The following TRIM8 variants were observed in gnomAD, a reference collection of about 807,000 sequenced individuals.
TRIM8 encodes E3 ubiquitin-protein ligase TRIM8.
A neutral mutation model predicts 55.7 loss-of-function variants in TRIM8; 9 were observed. The observed-to-expected ratio is 0.16, with a 90% CI of 0.10 to 0.28. The LOEUF (loss-of-function observed/expected upper bound fraction) is 0.28, where lower values mean the gene tolerates loss of function less well. Among genes scored for constraint, TRIM8 ranks in the 10% least tolerant of loss-of-function variants. The pLI, the probability that TRIM8 is intolerant of heterozygous loss-of-function variation, is 1.00. For synonymous variants in TRIM8, 335 were observed against 333.3 expected, an observed-to-expected ratio of 1.01 and a Z score of -0.06; for missense variants, 556 against 736.4, an observed-to-expected ratio of 0.76 and a Z score of 2.83.
intron 1 of TRIM8, chr10:102,649,420 T>C: frequency 6.6e-6 from 1 of 151,930 alleles, no homozygotes; most frequent in Non-Finnish European, 1.5e-5. Context: ...GCTGAAAGGG[T>C]CCTGCGCTGT....
chr10:102,652,050 T>A lies in TRIM8; in HGVS notation c.571-2603T>A, dbSNP rs969341463. ...TCTGACCCTTGGGCTGGCAGCAGATTCCTGTGCCTCTTGGTGCTTCTGGGG... is the reference window on the plus strand; with the variant it reads ...TCTGACCCTTGGGCTGGCAGCAGATACCTGTGCCTCTTGGTGCTTCTGGGG... On this transcript the variant is annotated intron_variant, in intron 1 of 5. Transcript: ENST00000643721. Among the ~76,000 whole-genome samples the A allele has an allele frequency of 2.6e-5, 4 of 152,190 alleles. No homozygotes were observed. The South Asian group carries it at 8.3e-4, about 31-fold the overall frequency.
At chr10:102,653,140 T>A (rs917953224) in intron 1 of TRIM8, among the ~76,000 whole-genome samples, 25 of 152,206 alleles carry the variant, frequency 1.6e-4, no homozygotes, top group African/African-American at 6.0e-4. Context: ...AATAGCCACA[T>A]ATGACTAGTG....
At position 102,656,778 on chromosome 10, in the gene TRIM8, G is replaced by C; in HGVS notation, c.1080G>C (p.Gln360His). ...TCAGCACGCCGGTGCCCTTCCTGCA[G>C]AGTGTCCCCCTGTACCCTTGCGGCG... is the stretch of plus-strand genomic sequence containing the variant. Reference protein sequence around the residue: ...GPFSTPVPFLQSVPLYPCGVS... With the variant: ...GPFSTPVPFLHSVPLYPCGVS... The change falls in exon 6 of 6, where the codon CAG becomes CAC. Residue 360 changes from glutamine to histidine, a missense_variant. Around this residue, in one of 2 missense-constraint regions of TRIM8, gnomAD observed 391 missense variants for 441.0 expected, o/e 0.89. Coordinates refer to ENST00000643721, the MANE Select transcript of TRIM8 (RefSeq NM_030912.3). The surrounding 1 kb of genome is among the most constrained non-coding windows in gnomAD (Gnocchi z 4.6). 1 of 1,513,392 alleles carries C rather than the reference G, an allele frequency of 6.6e-7. No homozygotes were observed. The highest frequency in any genetic ancestry group is 8.8e-7 in the Non-Finnish European group (1 of 1,131,598). The allele number at this position is 1,513,392 out of a possible 1,614,324, so 93.7% of individuals were successfully genotyped here.
intron 1 of TRIM8, among the ~76,000 whole-genome samples, chr10:102,648,685 C>G (rs1425893301): frequency 6.6e-6 from 1 of 152,166 alleles, no homozygotes; most frequent in Non-Finnish European, 1.5e-5. Context: ...TCTACTGGGG[C>G]TGGTGCTGAG....
chr10:102,654,499 C>A, intron 1 of TRIM8, 154 bp from the exon 2 acceptor site: 1 of 678,558 alleles, frequency 1.5e-6, no homozygotes. Context: ...GGGAATAGGC[C>A]CCTGGGATTG....
Position 102,644,757 on chromosome 10 carries a change from G to A in TRIM8, c.140G>A (p.Ser47Asn). The stretch of plus-strand genomic sequence containing the variant: ...ATCGGCGAGGCGTGGGCCAAGGACA[G>A]CGGCCTCGTACGCTGCCCAGAGTGC... ...GCIGEAWAKD[S>N]GLVRCPECNQ... is the part of the protein sequence containing the mutation. Residue 47 changes from serine to asparagine, a missense_variant, in exon 1 of 6, where the codon AGC (serine) becomes AAC (asparagine). Physicochemically the swap from Ser to Asn is conservative, Grantham distance 46. This residue lies in a region of TRIM8 where 165 missense variants were observed against 295.3 expected (regional missense o/e 0.56). Coordinates refer to ENST00000643721, the MANE Select transcript of TRIM8 (RefSeq NM_030912.3). The A allele has an allele frequency of 6.2e-7, 1 of 1,613,244 alleles. No homozygotes were observed. The highest frequency in any genetic ancestry group is 8.5e-7 in the Non-Finnish European group (1 of 1,179,854).
In TRIM8 at chr10:102,656,087, T is replaced by C. The variant is rs1393555280; in HGVS notation, c.901-19T>C. The C allele has an allele frequency of 3.1e-6, 5 of 1,614,028 alleles. No homozygotes were observed. Among genetic ancestry groups the C allele is most frequent in the Non-Finnish European group, 4.2e-6 (5 of 1,179,986 alleles). On this transcript the variant is annotated intron_variant, in intron 3 of 5. Coordinates refer to ENST00000643721, the MANE Select transcript of TRIM8 (RefSeq NM_030912.3). This position sits in a 1 kb window ranked among gnomAD's most constrained non-coding sequence, Gnocchi z 4.6. Reference sequence around the variant, plus strand: ...GGACTGCCTTTTCCACTGACTTGACTCTTTTCTCTCCCCAACAGAACACCA... The same window carrying C: ...GGACTGCCTTTTCCACTGACTTGACCCTTTTCTCTCCCCAACAGAACACCA...
At chr10:102,646,907 G>A (rs1291717396) in intron 1 of TRIM8, among the ~76,000 whole-genome samples, 2 of 152,212 alleles carry the variant, frequency 1.3e-5, no homozygotes, top group Non-Finnish European at 2.9e-5. Context: ...ATGCCTGCCC[G>A]CACCCACAGT....
chr10:102,652,004 A>G (rs1050559598), intron 1 of TRIM8, among the ~76,000 whole-genome samples: 10 of 152,146 alleles, frequency 6.6e-5, no homozygotes, highest in African/African-American at 2.4e-4. Context: ...CTGCCCACTC[A>G]TGCTGTGTGT....
In TRIM8 at chr10:102,645,129, G is replaced by A; in HGVS notation, c.512G>A (p.Ser171Asn). 6.3e-7 allele frequency: 1 copy of A among 1,586,180 alleles called. No homozygotes were observed. The highest frequency in any genetic ancestry group is 8.5e-7 in the Non-Finnish European group (1 of 1,174,068). The stretch of plus-strand genomic sequence containing the variant: ...GTGTGCCAGTACTGCTGCTACTACA[G>A]CGGCGCGCATCAGGGACACTCGGTG... ...VAVCQYCCYY[S>N]GAHQGHSVCD... Residue 171 changes from serine to asparagine, a missense_variant, in exon 1 of 6, where the codon AGC (serine) becomes AAC (asparagine). Transcript: ENST00000643721.
At position 102,656,388 on chromosome 10, in the gene TRIM8, G is replaced by A. The variant is rs778618835; in HGVS notation, c.1048+3G>A. 2.5e-6 allele frequency: 4 copies of A among 1,610,442 alleles called. No homozygotes were observed. The highest frequency in any genetic ancestry group is 3.4e-6 in the Non-Finnish European group (4 of 1,178,240). On this transcript the variant is annotated splice_donor_region_variant and intron_variant, in intron 5 of 5. Coordinates refer to ENST00000643721, the MANE Select transcript of TRIM8 (RefSeq NM_030912.3). This position sits in a 1 kb window ranked among gnomAD's most constrained non-coding sequence, Gnocchi z 4.6. ...GCAGCTGCGGAAAATGCTAGAAGGT[G>A]AGGGTGGGGTGTTCCGCCGAAGGGA...
At chr10:102,646,187 C>T (rs2063933990) in intron 1 of TRIM8, among the ~76,000 whole-genome samples, 1 of 152,172 alleles carries the variant, frequency 6.6e-6, no homozygotes, top group African/African-American at 2.4e-5. Context: ...GTGGAGGGGG[C>T]TCCTCCTAGG....
rs1192958912 is a variant in TRIM8, at chr10:102,645,090, C to A, written c.473C>A (p.Ala158Asp). The A allele has an allele frequency of 6.3e-6, 10 of 1,595,174 alleles. No individual in the cohort carries two copies. The highest frequency in any genetic ancestry group is 8.5e-6 in the Non-Finnish European group (10 of 1,178,314). ...GCCTACCGCCTCTACCACTGCGAGGCCGAGCAGGTGGCCGTGTGCCAGTAC... is the reference window on the plus strand; with the variant it reads ...GCCTACCGCCTCTACCACTGCGAGGACGAGCAGGTGGCCGTGTGCCAGTAC... ...HNAYRLYHCE[A>D]EQVAVCQYCC... The change falls in exon 1 of 6, where the codon GCC becomes GAC. Residue 158 changes from alanine to aspartate, a missense_variant. Coordinates refer to ENST00000643721, the MANE Select transcript of TRIM8 (RefSeq NM_030912.3).
intron 1 of TRIM8, among the ~76,000 whole-genome samples, chr10:102,651,201 ACTGTGTGG>A (rs2063982212): frequency 1.3e-5 from 2 of 152,182 alleles, no homozygotes; most frequent in Non-Finnish European, 2.9e-5. Context: ...CCTGCTAGGG[ACTGTGTGG>A]CCTGGGCTGG....
rs374915046 is a variant in TRIM8 at position 102,657,369 on chromosome 10, C to T, written c.*15C>T. The T allele has an allele frequency of 4.5e-6, 7 of 1,539,842 alleles. No individual in the cohort carries two copies. Among genetic ancestry groups the T allele is most frequent in the East Asian group, 4.5e-5 (2 of 43,970 alleles). ...TGACGAGCTAACGCCACGCAGGCGG[C>T]GGGGCGCTGGGGAATCTTCCTCCCC... is the stretch of plus-strand genomic sequence containing the variant. On this transcript the variant is annotated 3_prime_UTR_variant, in exon 6 of 6. Coordinates refer to ENST00000643721, the MANE Select transcript of TRIM8 (RefSeq NM_030912.3).
At position 102,645,065 on chromosome 10, in the gene TRIM8, G is replaced by T. The variant is rs780642545; in HGVS notation, c.448G>T (p.Ala150Ser). Residue 150 changes from alanine (A) to serine (S), a missense_variant, in exon 1 of 6, where the codon GCC becomes TCC. Coordinates refer to ENST00000643721, the MANE Select transcript of TRIM8 (RefSeq NM_030912.3). ...GGCCTGGAGCTGCCCGCAGCACAACGCCTACCGCCTCTACCACTGCGAGGC... is the reference window on the plus strand; with the variant it reads ...GGCCTGGAGCTGCCCGCAGCACAACTCCTACCGCCTCTACCACTGCGAGGC... ...VRAWSCPQHNAYRLYHCEAEQ... is the reference protein window; with the variant it reads ...VRAWSCPQHNSYRLYHCEAEQ... The T allele has an allele frequency of 1.3e-6, 2 of 1,592,142 alleles. No individual in the cohort carries two copies. The highest frequency in any genetic ancestry group is 4.5e-5 in the East Asian group (2 of 44,584).
At chr10:102,646,199 C>T (rs1405822256) in intron 1 of TRIM8, among the ~76,000 whole-genome samples, 1 of 152,172 alleles carries the variant, frequency 6.6e-6, no homozygotes, top group Non-Finnish European at 1.5e-5. Context: ...CCTCCTAGGT[C>T]CCTCCCCAGT....
Position 102,656,446 on chromosome 10 carries a change from C to T in TRIM8, c.1048+61C>T. ...ACCTTTGGGGAGGGGTTCAGCGCCA[C>T]AGCCTTCCCTCCAAGAGGCAGTGTG... On this transcript the variant is annotated intron_variant, in intron 5 of 5. Transcript: ENST00000643721. This position sits in a 1 kb window ranked among gnomAD's most constrained non-coding sequence, Gnocchi z 4.6. The T allele has an allele frequency of 6.4e-7, 1 of 1,557,328 alleles. No homozygotes were observed. Among genetic ancestry groups the T allele is most frequent in the Non-Finnish European group, 8.7e-7 (1 of 1,149,424 alleles).
intron 1 of TRIM8, among the ~76,000 whole-genome samples, chr10:102,649,033 G>GGT (rs58956109): frequency 0.3 from 45,804 of 150,956 alleles, 7,324 homozygotes; most frequent in African/African-American, 0.43. Context: ...TCTGTCTGCA[G>GGT]GTGTGTGTGT....
Sources: gnomAD v4.1 joint callset for allele counts (sites outside exome capture counted in the v4.1 genomes callset) on GRCh38, gnomAD v4.1.1 for gene constraint, gnomAD v4.1.1 regional missense constraint, Gnocchi (gnomAD v3.1) non-coding constraint, MANE v1.5 for transcripts, NCBI Gene and HGNC (gene_info 2026-07-23, HGNC 2026-07-21) for gene names.